CACNB4: variants seen among roughly 807,000 people sequenced by gnomAD.
CACNB4 encodes the protein voltage-dependent L-type calcium channel subunit beta-4.
CACNB4 carries 32 observed loss-of-function variants against 71.2 expected under a neutral mutation model. The observed-to-expected ratio is 0.45, with a 90% CI of 0.34 to 0.60. The LOEUF is 0.60. Ranked by LOEUF, CACNB4 falls within the 20% of genes least tolerant of loss-of-function variation. The probability of loss-of-function intolerance (pLI) is 0.01; values close to 1 mark genes in which losing one functional copy is unlikely to be tolerated. For synonymous variants in CACNB4, 231 were observed against 236.9 expected, an observed-to-expected ratio of 0.97 and a Z score of 0.23; for missense variants, 464 against 647.9, an observed-to-expected ratio of 0.72 and a Z score of 3.08.
intron 2 of CACNB4, among the ~76,000 whole-genome samples, chr2:152,036,963 C>T (rs1328884549): frequency 6.6e-6 from 1 of 152,214 alleles, no homozygotes; most frequent in African/African-American, 2.4e-5. Flanking sequence ...TCATGAACTT[C>T]AGCTTCAAAA....
intron 2 of CACNB4, among the ~76,000 whole-genome samples, chr2:151,978,318 C>G (rs2099874156): frequency 6.6e-6 from 1 of 152,114 alleles, no homozygotes; most frequent in Non-Finnish European, 1.5e-5. Context: ...GAAGAATTGG[C>G]CTTTTTAATT....
intron 2 of CACNB4, among the ~76,000 whole-genome samples, chr2:152,034,775 A>G (rs1463726899): frequency 6.6e-6 from 1 of 152,184 alleles, no homozygotes; most frequent in African/African-American, 2.4e-5. Flanking sequence ...CCCCTGGGGT[A>G]AGGAAAAAAA....
At chr2:152,031,316 C>T (rs1231828130) in intron 2 of CACNB4, among the ~76,000 whole-genome samples, 2 of 152,130 alleles carry the variant, frequency 1.3e-5, no homozygotes, top group Non-Finnish European at 2.9e-5. Flanking sequence ...GACTTAATGA[C>T]CGAATAAGAC....
intron 2 of CACNB4, among the ~76,000 whole-genome samples, chr2:152,085,580 G>A (rs796995451): frequency 1.4e-4 from 21 of 152,070 alleles, no homozygotes; most frequent in Non-Finnish European, 2.4e-4. Context: ...TGAGGGTCCC[G>A]GCTGGTCTCC....
intron 2 of CACNB4, among the ~76,000 whole-genome samples, chr2:152,064,931 T>C (rs1686225863): frequency 1.3e-5 from 2 of 152,126 alleles, no homozygotes; most frequent in South Asian, 2.1e-4. Context: ...CCAGAGAAGC[T>C]TGACCCTTGA....
At chr2:152,004,570 T>C (rs771650746) in intron 2 of CACNB4, among the ~76,000 whole-genome samples, 1 of 137,456 alleles carries the variant, frequency 7.3e-6, no homozygotes, top group African/African-American at 2.8e-5. Flanking sequence ...CACACACACA[T>C]GCTAACAACC....
intron 2 of CACNB4, among the ~76,000 whole-genome samples, chr2:151,985,855 G>A (rs1008078897): frequency 6.6e-6 from 1 of 152,048 alleles, no homozygotes; most frequent in Admixed American, 6.5e-5. Flanking sequence ...GGCACCTAAG[G>A]TAATGGCTCT....
chr2:151,965,716 C>A (rs750366532), intron 2 of CACNB4, among the ~76,000 whole-genome samples: 11 of 141,366 alleles, frequency 7.8e-5, no homozygotes, highest in Non-Finnish European at 1.7e-4. Flanking sequence ...AAATTTACTT[C>A]TCAGAAAGCT....
At chr2:151,927,341 A>G (rs192000833) in intron 2 of CACNB4, among the ~76,000 whole-genome samples, 1 of 152,280 alleles carries the variant, frequency 6.6e-6, no homozygotes, top group African/African-American at 2.4e-5. Flanking sequence ...ACAAGGGGAG[A>G]GGCTGGGCTA....
chr2:151,860,744 T>C lies in CACNB4; in HGVS notation c.835A>G (p.Ile279Val), dbSNP rs2099841430. 1.2e-6 allele frequency: 2 copies of C among 1,613,686 alleles called. No individual in the cohort carries two copies. Among genetic ancestry groups the C allele is most frequent in the Non-Finnish European group, 8.5e-7 (1 of 1,179,610 alleles). The change falls in exon 10 of 14, where the codon ATA becomes GTA. Residue 279 changes from isoleucine to valine, a missense_variant. Ile to Val is a conservative substitution (Grantham distance 29). Around this residue, in one of 3 missense-constraint regions of CACNB4, gnomAD observed 299 missense variants for 471.7 expected, o/e 0.63. Coordinates refer to ENST00000539935, the MANE Select transcript of CACNB4 (RefSeq NM_000726.5). ...SVLNNPSKRAIIERSNTRSSL... is the reference protein window; with the variant it reads ...SVLNNPSKRAVIERSNTRSSL... ...GACCGGGTGTTCGAACGTTCAATTATTGCTCTCTTGCTGGGATTATTTAGG... is the reference window on the plus strand; with the variant it reads ...GACCGGGTGTTCGAACGTTCAATTACTGCTCTCTTGCTGGGATTATTTAGG...
chr2:151,883,138 T>C, intron 3 of CACNB4, 113 bp downstream of exon 3: 1 of 1,120,082 alleles, frequency 8.9e-7, no homozygotes. Context: ...ATCTGGAGCC[T>C]TGTTAGAATA....
intron 2 of CACNB4, among the ~76,000 whole-genome samples, chr2:151,903,467 C>T (rs2099853982): frequency 6.6e-6 from 1 of 151,992 alleles, no homozygotes; most frequent in Non-Finnish European, 1.5e-5. Flanking sequence ...TGCAGTGAGC[C>T]AAGACTGCGC....
chr2:151,969,129 C>T (rs1293002661), intron 2 of CACNB4: 2 of 152,234 alleles, frequency 1.3e-5, no homozygotes, highest in Non-Finnish European at 1.5e-5. Context: ...GTCAAATTCC[C>T]TACACAAACC....
chr2:151,987,805 C>T (rs901418221), intron 2 of CACNB4, among the ~76,000 whole-genome samples: 2 of 152,144 alleles, frequency 1.3e-5, no homozygotes, highest in African/African-American at 4.8e-5. Context: ...AGTTTCGATG[C>T]GACCCACCAA....
intron 2 of CACNB4, among the ~76,000 whole-genome samples, chr2:151,948,318 C>A (rs999991407): frequency 1.3e-4 from 20 of 152,164 alleles, no homozygotes; most frequent in Admixed American, 1.2e-3. Context: ...GACAGCCACT[C>A]CCACTACAGT....
chr2:152,096,111 G>C (rs545872739), intron 2 of CACNB4, among the ~76,000 whole-genome samples: 2 of 152,132 alleles, frequency 1.3e-5, no homozygotes, highest in South Asian at 4.2e-4. Flanking sequence ...TATTTTTATT[G>C]TAGCCAATAC....
At chr2:151,957,450 GTAGGGTAAGGA>G (rs72208626) in intron 2 of CACNB4, among the ~76,000 whole-genome samples, 71,500 of 151,444 alleles carry the variant, frequency 0.47, 20,005 homozygotes, top group Non-Finnish European at 0.64. Flanking sequence ...GCAAGCAAGG[GTAGGGTAAGGA>G]TAGGGAGATG....
intron 2 of CACNB4, among the ~76,000 whole-genome samples, chr2:151,979,004 C>G (rs2099874255): frequency 6.6e-6 from 1 of 152,130 alleles, no homozygotes; most frequent in Non-Finnish European, 1.5e-5. Flanking sequence ...TCCTCTGTAC[C>G]TGGGTGTACC....
chr2:152,008,228 T>A (rs116226055), intron 2 of CACNB4, among the ~76,000 whole-genome samples: 2,444 of 152,230 alleles, frequency 0.016, 80 homozygotes, highest in African/African-American at 0.054. Flanking sequence ...GTGAACTGTC[T>A]ACTGTCTATT....
Sources: gnomAD v4.1 joint callset for allele counts (sites outside exome capture counted in the v4.1 genomes callset) on GRCh38, gnomAD v4.1.1 for gene constraint, gnomAD v4.1.1 regional missense constraint, MANE v1.5 for transcripts, NCBI Gene and HGNC (gene_info 2026-07-23, HGNC 2026-07-21) for gene names.